ANXA6: variants seen among roughly 807,000 people sequenced by gnomAD.
ANXA6 encodes annexin A6.
In ANXA6, 71 loss-of-function variants were observed where a neutral mutation model predicts 95.4. The observed-to-expected ratio is 0.74, with a 90% CI of 0.61 to 0.91. The LOEUF (loss-of-function observed/expected upper bound fraction) is 0.91, where lower values mean the gene tolerates loss of function less well. Among genes scored for constraint, ANXA6 ranks in the 40% least tolerant of loss-of-function variants. The pLI, the probability that ANXA6 is intolerant of heterozygous loss-of-function variation, is 0.00. For synonymous variants in ANXA6, 289 were observed against 315.9 expected, an observed-to-expected ratio of 0.91 and a Z score of 0.90; for missense variants, 830 against 876.4, an observed-to-expected ratio of 0.95 and a Z score of 0.67.
chr5:151,155,159 G>C (rs918769768), intron 1 of ANXA6: 7 of 152,080 alleles, frequency 4.6e-5, no homozygotes, highest in Non-Finnish European at 1.0e-4. Context: ...CTGCAAAATA[G>C]GCATTAATAA....
At chr5:151,114,259 C>T (rs1014180459) in intron 20 of ANXA6, among the ~76,000 whole-genome samples, 3 of 152,092 alleles carry the variant, frequency 2.0e-5, no homozygotes, top group Non-Finnish European at 4.4e-5. Context: ...CCAAATTGTA[C>T]ACTTTAAATG....
chr5:151,136,824 G>A (rs1464803594), intron 6 of ANXA6, among the ~76,000 whole-genome samples: 1 of 152,184 alleles, frequency 6.6e-6, no homozygotes, highest in Non-Finnish European at 1.5e-5. Flanking sequence ...CACTTGCCGT[G>A]ACCTCTGTTG....
chr5:151,107,817 CA>C (rs1561564787), intron 23 of ANXA6, among the ~76,000 whole-genome samples: 5 of 152,152 alleles, frequency 3.3e-5, no homozygotes, highest in African/African-American at 1.2e-4. Context: ...TAAGCGTAAC[CA>C]AAAAGCCAGG....
intron 14 of ANXA6, among the ~76,000 whole-genome samples, chr5:151,125,883 T>A (rs1484999887): frequency 6.6e-6 from 1 of 152,030 alleles, no homozygotes; most frequent in Non-Finnish European, 1.5e-5. Context: ...CTTCCAAAGG[T>A]TACATAGCGA....
In ANXA6 at chr5:151,133,097, A is replaced by G. The variant is rs1765563958; in HGVS notation, c.637T>C (p.Leu213=). 5.7e-6 allele frequency: 9 copies of G among 1,591,846 alleles called. No homozygotes were observed. The East Asian group carries it at 1.8e-4, about 32-fold the overall frequency. ...TCAGGTCTTCTCTGGAGCTTACCCA[A>G]CCGAAGATGCTGCTTGCTGCGATTT... ...LGNRSKQHLR[L]VFDEYLKTTG... The change falls in exon 9 of 26, where the codon TTG becomes CTG. Residue 213 remains leucine (L), a synonymous_variant. Coordinates refer to ENST00000354546, the MANE Select transcript of ANXA6 (RefSeq NM_001155.5).
chr5:151,101,638 A>G (rs926829726), intron 25 of ANXA6, 131 bp from the exon 26 acceptor site: 12 of 777,802 alleles, frequency 1.5e-5, no homozygotes, highest in East Asian at 1.1e-4. Flanking sequence ...CCCATGCCAC[A>G]TGTAGGCTAC....
intron 14 of ANXA6, among the ~76,000 whole-genome samples, chr5:151,124,706 G>T (rs1765267644): frequency 6.6e-6 from 1 of 152,158 alleles, no homozygotes; most frequent in Non-Finnish European, 1.5e-5. Flanking sequence ...TATTCCACCG[G>T]GGCATCCCCA....
chr5:151,117,214 A>C, intron 19 of ANXA6, 34 bp from the exon 20 acceptor site: 1 of 1,564,992 alleles, frequency 6.4e-7, no homozygotes, highest in Non-Finnish European at 8.7e-7. Flanking sequence ...TTCAGTCCCC[A>C]AACATCGACC....
intron 20 of ANXA6, among the ~76,000 whole-genome samples, chr5:151,114,978 T>C (rs1364074552): frequency 1.3e-5 from 2 of 152,242 alleles, no homozygotes; most frequent in Non-Finnish European, 2.9e-5. Context: ...AATTTTTATA[T>C]ACATTTTGCT....
At chr5:151,101,679 C>T (rs1054551248) in intron 25 of ANXA6, among the ~76,000 whole-genome samples, 172 bp from the exon 26 acceptor site, 5 of 152,180 alleles carry the variant, frequency 3.3e-5, no homozygotes, top group Admixed American at 6.5e-5. Flanking sequence ...AATGTGACCA[C>T]GTCCCTTTTG....
intron 16 of ANXA6, 69 bp downstream of exon 16, chr5:151,122,848 G>A (rs868742074): frequency 7.1e-7 from 1 of 1,411,288 alleles, no homozygotes; most frequent in Non-Finnish European, 1.0e-6. Flanking sequence ...AGAACCGATG[G>A]GGACAGGCTG....
chr5:151,140,079 A>G (rs1001208664), intron 3 of ANXA6, 74 bp downstream of exon 3: 5 of 1,357,234 alleles, frequency 3.7e-6, no homozygotes, highest in Non-Finnish European at 5.2e-6. Context: ...CCCTACCACC[A>G]CCACCAGAAG....
chr5:151,103,713 G>T (rs1486966427), intron 24 of ANXA6, 21 bp from the exon 25 acceptor site: 1 of 1,600,798 alleles, frequency 6.2e-7, no homozygotes, highest in Admixed American at 1.7e-5. Flanking sequence ...CAGGCAGGAG[G>T]GAGACACAGG....
chr5:151,133,067 C>A (rs769179987), intron 9 of ANXA6, 27 bp downstream of exon 9: 1 of 1,518,326 alleles, frequency 6.6e-7, no homozygotes, highest in Non-Finnish European at 9.0e-7. Flanking sequence ...CCCAAGGGAG[C>A]AGCTTCAGGT....
rs535275352 is a variant in ANXA6, at chr5:151,110,499, C to G, written c.1590+128G>C. ...GGCCTATCTTTTACCAAGCAGGGCC[C>G]GGAAGGGGAGAGAGAGAAGCCGCAC... On this transcript the variant is annotated intron_variant, in intron 21 of 25. Transcript: ENST00000354546. 8 of 1,030,802 alleles carry G rather than the reference C, an allele frequency of 7.8e-6. No individual in the cohort carries two copies. The African/African-American group carries it at 1.1e-4, about 14-fold the overall frequency. The allele number at this position is 1,030,802 out of a possible 1,614,324, so 63.9% of individuals were successfully genotyped here. A position where few individuals can be genotyped will look rare whatever the true frequency, so the allele number is the denominator to read the frequency against.
chr5:151,132,385 T>C (rs1382562223), intron 10 of ANXA6, 91 bp downstream of exon 10: 3 of 983,998 alleles, frequency 3.0e-6, no homozygotes, highest in Admixed American at 5.0e-5. Flanking sequence ...TTCTATACCA[T>C]GTAATTCCCC....
Position 151,126,416 on chromosome 5 carries a change from C to T in ANXA6, c.1042G>A (p.Val348Met). The change falls in exon 14 of 26, where the codon GTG becomes ATG. Residue 348 changes from valine (V) to methionine (M), a missense_variant. By Grantham distance (21) the Val-to-Met change is conservative. Coordinates refer to ENST00000354546, the MANE Select transcript of ANXA6 (RefSeq NM_001155.5). ...VAYQMWELSA[V>M]ARVELKGTVR... ...GAAGGTCTGACCTCTACTCGGGCCA[C>T]TGCACTAAGTTCCCACATCTGATAG... 1.9e-6 allele frequency: 3 copies of T among 1,610,088 alleles called. No homozygotes were observed. Among genetic ancestry groups the T allele is most frequent in the Non-Finnish European group, 2.5e-6 (3 of 1,178,228 alleles).
chr5:151,116,544 C>A (rs531043091), intron 20 of ANXA6, among the ~76,000 whole-genome samples: 4 of 152,338 alleles, frequency 2.6e-5, no homozygotes, highest in African/African-American at 9.6e-5. Context: ...GCAGAGCAGC[C>A]AAGAGACTCC....
chr5:151,131,396 T>C, intron 10 of ANXA6, 107 bp from the exon 11 acceptor site: 1 of 1,168,166 alleles, frequency 8.6e-7, no homozygotes, highest in Non-Finnish European at 1.3e-6. Context: ...CCTAGCTCAA[T>C]ACAGGAAGAA....
Sources: gnomAD v4.1 joint callset for allele counts (sites outside exome capture counted in the v4.1 genomes callset) on GRCh38, gnomAD v4.1.1 for gene constraint, MANE v1.5 for transcripts, NCBI Gene and HGNC (gene_info 2026-07-23, HGNC 2026-07-21) for gene names.